The following CSMD3 variants were observed in gnomAD, a reference collection of about 807,000 sequenced individuals.
CSMD3 encodes the protein CUB and Sushi multiple domains 3, also known as CUB and sushi domain-containing protein 3.
In CSMD3, 177 loss-of-function variants were observed where a neutral mutation model predicts 435.2. That is an observed-to-expected ratio of 0.41 (90% CI 0.36 to 0.46). The LOEUF is 0.46. CSMD3 is among the 20% of genes least tolerant of loss of function. The pLI, the probability that CSMD3 is intolerant of heterozygous loss-of-function variation, is 0.34. For synonymous variants in CSMD3, 1,656 were observed against 1,520.5 expected (o/e 1.09, Z -2.07); for missense variants, 4,265 against 4,504.6 (o/e 0.95, Z 1.52).
In CSMD3 at chr8:112,496,160, G is replaced by A. The variant is rs577876435; in HGVS notation, c.5084-3477C>T. On this transcript the variant is annotated intron_variant, in intron 30 of 70. Transcript: ENST00000297405. ...AATTTTTTGTATTTTTAGTAGAGAC[G>A]GGGTGTCACCAGGTTAGCCAGGATG... 3.3e-5 allele frequency among the ~76,000 whole-genome samples: 5 copies of A among 152,072 alleles called. No individual in the cohort carries two copies. The East Asian group carries it at 5.8e-4, about 18-fold the overall frequency.
chr8:113,077,522 C>G (rs976345400), intron 5 of CSMD3, among the ~76,000 whole-genome samples: 3 of 151,756 alleles, frequency 2.0e-5, no homozygotes, highest in African/African-American at 7.3e-5. Flanking sequence ...ATCAACATGG[C>G]GAAACCCCAT....
intron 65 of CSMD3, among the ~76,000 whole-genome samples, chr8:112,242,785 G>C (rs1814290818): frequency 6.6e-6 from 1 of 152,074 alleles, no homozygotes; most frequent in African/African-American, 2.4e-5. Flanking sequence ...GCAAACAATT[G>C]AATATGTAAG....
chr8:112,289,915 T>A (rs1165672821), intron 56 of CSMD3, among the ~76,000 whole-genome samples: 1 of 152,086 alleles, frequency 6.6e-6, no homozygotes, highest in East Asian at 1.9e-4. Flanking sequence ...AGGAGAAGAT[T>A]AATGTGGATT....
intron 57 of CSMD3, among the ~76,000 whole-genome samples, chr8:112,288,790 C>A (rs1440412867): frequency 6.6e-6 from 1 of 151,922 alleles, no homozygotes; most frequent in Non-Finnish European, 1.5e-5. Flanking sequence ...ATTAAAATAT[C>A]TTTAATACTG....
intron 3 of CSMD3, among the ~76,000 whole-genome samples, chr8:113,225,951 G>C (rs923008256): frequency 1.3e-5 from 2 of 151,430 alleles, no homozygotes; most frequent in Non-Finnish European, 3.0e-5. Context: ...ATGATAGTGA[G>C]TGACTTCTCA....
intron 11 of CSMD3, among the ~76,000 whole-genome samples, chr8:112,845,086 G>A (rs902689631): frequency 6.6e-6 from 1 of 151,842 alleles, no homozygotes; most frequent in Non-Finnish European, 1.5e-5. Context: ...CTACTTTGTT[G>A]GTAAGAACCA....
chr8:112,530,286 CAT>C (rs1825396953), intron 27 of CSMD3, among the ~76,000 whole-genome samples: 1 of 152,112 alleles, frequency 6.6e-6, no homozygotes, highest in South Asian at 2.1e-4. Flanking sequence ...ATGAAATGAA[CAT>C]CCAGACCCAA....
chr8:112,627,235 C>A (rs1436507688), intron 22 of CSMD3, among the ~76,000 whole-genome samples: 1 of 151,966 alleles, frequency 6.6e-6, no homozygotes, highest in Non-Finnish European at 1.5e-5. Context: ...TATAGTTTTT[C>A]TTTTTTTCCA....
intron 5 of CSMD3, among the ~76,000 whole-genome samples, chr8:113,073,747 G>T (rs1306650971): frequency 6.6e-6 from 1 of 151,356 alleles, no homozygotes; most frequent in African/African-American, 2.4e-5. Context: ...AATGACAATA[G>T]TTTAACATAA....
Position 113,286,298 on chromosome 8 carries a change from T to C in CSMD3, c.402-7594A>G, listed in dbSNP as rs74982675. ...ATGATAACGATATTTTATACTGAAA[T>C]GAATAACTAGTCACAAGGAGAATTA... On this transcript the variant is annotated intron_variant, in intron 2 of 70. Transcript: ENST00000297405. Among the ~76,000 whole-genome samples, 716 of 152,208 alleles carry C rather than the reference T, an allele frequency of 4.7e-3. 15 individuals are homozygous for C. In the East Asian group the frequency reaches 0.071, roughly 15 times the overall value.
At chr8:112,651,857 C>T (rs532851479) in intron 18 of CSMD3, among the ~76,000 whole-genome samples, 1 of 152,124 alleles carries the variant, frequency 6.6e-6, no homozygotes, top group East Asian at 1.9e-4. Flanking sequence ...CTTTTAAACT[C>T]TCATTCATCT....
At chr8:112,968,954 C>T (rs12550692) in intron 7 of CSMD3, among the ~76,000 whole-genome samples, 1 of 151,756 alleles carries the variant, frequency 6.6e-6, no homozygotes, top group Non-Finnish European at 1.5e-5. Context: ...AGTCTTAATA[C>T]AATATTTGAA....
At chr8:113,143,835 T>C (rs2091608403) in intron 4 of CSMD3, among the ~76,000 whole-genome samples, 1 of 151,330 alleles carries the variant, frequency 6.6e-6, no homozygotes, top group African/African-American at 2.4e-5. Flanking sequence ...AAGGGCAATA[T>C]AAAATATCCT....
At chr8:112,662,189 A>G (rs2075398060) in intron 17 of CSMD3, among the ~76,000 whole-genome samples, 1 of 152,142 alleles carries the variant, frequency 6.6e-6, no homozygotes, top group Admixed American at 6.6e-5. Context: ...GTTCATATGG[A>G]ACCAAAAAAG....
chr8:113,104,520 G>T (rs757377376), intron 4 of CSMD3, among the ~76,000 whole-genome samples: 1 of 151,986 alleles, frequency 6.6e-6, no homozygotes, highest in Non-Finnish European at 1.5e-5. Context: ...TTGCATTCTT[G>T]TGTTTAAAGA....
At chr8:112,256,298 G>A (rs1048848944) in intron 61 of CSMD3, among the ~76,000 whole-genome samples, 9 of 143,666 alleles carry the variant, frequency 6.3e-5, no homozygotes, top group East Asian at 4.5e-4. Flanking sequence ...GGTAAGTCCC[G>A]TGGGAAAAAA....
chr8:112,257,585 G>A (rs2130308786), intron 61 of CSMD3, among the ~76,000 whole-genome samples: 2 of 152,244 alleles, frequency 1.3e-5, no homozygotes, highest in South Asian at 4.2e-4. Context: ...GGATGTGAAG[G>A]ACCTCTTCAA....
chr8:113,398,638 CACTCATTCTGCATT>C lies in CSMD3; in HGVS notation c.178+38025_178+38038del, dbSNP rs1410619424. Among the ~76,000 whole-genome samples, 4 of 152,240 alleles carry C rather than the reference CACTCATTCTGCATT, an allele frequency of 2.6e-5. No homozygotes were observed. The South Asian group carries it at 8.3e-4, about 32-fold the overall frequency. On this transcript the variant is annotated intron_variant, in intron 1 of 70. Coordinates refer to ENST00000297405, the MANE Select transcript of CSMD3 (RefSeq NM_198123.2). ...TCATCTAGGACATCATGTACTGCTT[CACTCATTCTGCATT>C]ACTTTACTGTTCTTCTAAAATTGTG... is the stretch of plus-strand genomic sequence containing the variant.
intron 27 of CSMD3, among the ~76,000 whole-genome samples, chr8:112,549,313 T>C (rs377270655): frequency 2.0e-5 from 3 of 152,086 alleles, no homozygotes; most frequent in African/African-American, 7.2e-5. Context: ...AAATGTTTTC[T>C]AATTCGGAGC....
Sources: allele counts gnomAD v4.1 joint callset (sites outside exome capture counted in the v4.1 genomes callset), GRCh38; gene constraint gnomAD v4.1.1; transcripts MANE v1.5; gene names NCBI Gene and HGNC (gene_info 2026-07-23, HGNC 2026-07-21).